Variants in MTMR7 observed in about 807,000 individuals in gnomAD.
MTMR7 encodes the protein myotubularin related protein 7.
MTMR7 carries 76 observed loss-of-function variants against 81.2 expected under a neutral mutation model. That is an observed-to-expected ratio of 0.94 (90% CI 0.78 to 1.13). The LOEUF is 1.13. Among genes scored for constraint, MTMR7 ranks in the 50% most tolerant of loss-of-function variants. The probability of loss-of-function intolerance (pLI) is 0.00; values close to 1 mark genes in which losing one functional copy is unlikely to be tolerated. For synonymous variants in MTMR7, 372 were observed against 289.8 expected, an observed-to-expected ratio of 1.28 and a Z score of -2.88; for missense variants, 1,044 against 820.0, an observed-to-expected ratio of 1.27 and a Z score of -3.34.
chr8:17,394,139 T>A (rs1585118901), intron 1 of MTMR7, among the ~76,000 whole-genome samples: 1 of 152,286 alleles, frequency 6.6e-6, no homozygotes, highest in East Asian at 1.9e-4. Context: ...ACTGTTAGCC[T>A]CTCAACAGAT....
chr8:17,389,297 C>T (rs1042668330), intron 1 of MTMR7, among the ~76,000 whole-genome samples: 3 of 152,174 alleles, frequency 2.0e-5, no homozygotes, highest in Non-Finnish European at 4.4e-5. Context: ...CTTTACTGTA[C>T]ACTCTAACCA....
At chr8:17,374,867 G>C (rs1820527740) in intron 1 of MTMR7, among the ~76,000 whole-genome samples, 1 of 151,796 alleles carries the variant, frequency 6.6e-6, no homozygotes, top group African/African-American at 2.4e-5. Context: ...CCAGCACTTT[G>C]ATCATGAGGT....
intron 11 of MTMR7, among the ~76,000 whole-genome samples, chr8:17,305,360 A>T (rs927983489): frequency 9.2e-5 from 14 of 152,320 alleles, no homozygotes; most frequent in African/African-American, 2.9e-4. Flanking sequence ...TACAGTTTTA[A>T]TCTGAATAAA....
intron 1 of MTMR7, among the ~76,000 whole-genome samples, chr8:17,401,335 G>A (rs918420185): frequency 3.9e-5 from 6 of 152,042 alleles, no homozygotes; most frequent in African/African-American, 1.4e-4. Flanking sequence ...GAAACATCTC[G>A]TGCAAAGGTG....
chr8:17,373,282 A>T lies in MTMR7; in HGVS notation c.25-42T>A, dbSNP rs747863568. ...GATGAAAAGAGTTACCGTAAAGCAGAAGAGCAATTCACGAAATAAATGATA... is the reference window on the plus strand; with the variant it reads ...GATGAAAAGAGTTACCGTAAAGCAGTAGAGCAATTCACGAAATAAATGATA... On this transcript the variant is annotated intron_variant, in intron 1 of 13. Transcript: ENST00000180173. The T allele has an allele frequency of 5.1e-6, 8 of 1,575,484 alleles. No homozygotes were observed. In the African/African-American group the frequency reaches 8.2e-5, roughly 16 times the overall value.
At position 17,366,885 on chromosome 8, in the gene MTMR7, CA is replaced by C. The variant is rs1277882494; in HGVS notation, c.310+4151del. Among the ~76,000 whole-genome samples the C allele has an allele frequency of 3.9e-4, 34 of 88,168 alleles. 1 individual carries two copies. The highest frequency in any genetic ancestry group is 5.1e-4 in the East Asian group (1 of 1,974). The allele number at this position is 88,168 out of a possible 152,430, so 57.8% of individuals were successfully genotyped here. ...TGGATGACAGAGCGAGACTCCATCT[CA>C]AAAAAAAAAAAACTGTAGCTGAAAA... On this transcript the variant is annotated intron_variant, in intron 3 of 13. Transcript: ENST00000180173.
chr8:17,315,833 G>T (rs1818037606), intron 7 of MTMR7, among the ~76,000 whole-genome samples: 1 of 152,090 alleles, frequency 6.6e-6, no homozygotes, highest in African/African-American at 2.4e-5. Context: ...ATAAAGTAGT[G>T]AGACTCAGGC....
intron 7 of MTMR7, among the ~76,000 whole-genome samples, chr8:17,323,893 A>G (rs915335274): frequency 1.3e-5 from 2 of 152,220 alleles, no homozygotes; most frequent in African/African-American, 2.4e-5. Context: ...AAAATCTGCC[A>G]TCTTGGTTAA....
At chr8:17,316,516 C>T (rs1386387378) in intron 7 of MTMR7, among the ~76,000 whole-genome samples, 1 of 150,844 alleles carries the variant, frequency 6.6e-6, no homozygotes, top group African/African-American at 2.4e-5. Context: ...TCTCCCTGTA[C>T]CTGGATTTCT....
chr8:17,354,765 A>G (rs1185173763), intron 4 of MTMR7, among the ~76,000 whole-genome samples: 6 of 152,204 alleles, frequency 3.9e-5, no homozygotes, highest in Admixed American at 2.6e-4. Context: ...AGCAAAAGGA[A>G]TGGATTTGGA....
intron 1 of MTMR7, among the ~76,000 whole-genome samples, chr8:17,381,211 A>G (rs1298144214): frequency 6.6e-6 from 1 of 151,782 alleles, no homozygotes; most frequent in Non-Finnish European, 1.5e-5. Flanking sequence ...GACTGAGGGG[A>G]AAAAAGGGTT....
chr8:17,346,884 TAAAAAAAAAAAAAAAA>T (rs55910829), intron 5 of MTMR7, among the ~76,000 whole-genome samples: 1 of 65,040 alleles, frequency 1.5e-5, no homozygotes, highest in Non-Finnish European at 2.9e-5. Flanking sequence ...CCTATCTTAA[TAAAAAAAAAAAAAAAA>T]AAAAAAAAAA....
intron 4 of MTMR7, among the ~76,000 whole-genome samples, chr8:17,354,626 G>A (rs754862326): frequency 3.3e-5 from 5 of 152,078 alleles, no homozygotes; most frequent in Admixed American, 1.3e-4. Flanking sequence ...TTCCACCATC[G>A]ACAATTGTTT....
At chr8:17,398,715 T>C (rs1203796090) in intron 1 of MTMR7, among the ~76,000 whole-genome samples, 3 of 152,112 alleles carry the variant, frequency 2.0e-5, no homozygotes, top group African/African-American at 7.2e-5. Context: ...AAAGATTAAA[T>C]AACCAATAAA....
chr8:17,369,747 G>A (rs544744774), intron 3 of MTMR7, among the ~76,000 whole-genome samples: 4 of 142,334 alleles, frequency 2.8e-5, no homozygotes, highest in African/African-American at 5.2e-5. Flanking sequence ...CCAGGTTCAC[G>A]CCATCCTCCT....
At chr8:17,333,883 G>C (rs1321270353) in intron 6 of MTMR7, among the ~76,000 whole-genome samples, 2 of 152,068 alleles carry the variant, frequency 1.3e-5, no homozygotes, top group African/African-American at 4.8e-5. Context: ...ACAAGGGACA[G>C]GAGGGTTATC....
chr8:17,303,635 G>C (rs1473067552), intron 12 of MTMR7, among the ~76,000 whole-genome samples: 2 of 145,638 alleles, frequency 1.4e-5, no homozygotes, highest in Non-Finnish European at 1.5e-5. Context: ...TTGAGATGGA[G>C]TTTTGCTCTT....
At chr8:17,318,610 A>G (rs547388922) in intron 7 of MTMR7, among the ~76,000 whole-genome samples, 5 of 152,254 alleles carry the variant, frequency 3.3e-5, no homozygotes, top group African/African-American at 1.2e-4. Context: ...GTCCTACCGC[A>G]TCATGTCAGC....
intron 11 of MTMR7, among the ~76,000 whole-genome samples, chr8:17,304,900 A>G (rs1337589618): frequency 6.6e-6 from 1 of 152,136 alleles, no homozygotes; most frequent in Non-Finnish European, 1.5e-5. Context: ...GCTCTGTCTA[A>G]TTTACAGATG....
Sources: gnomAD v4.1 joint callset for allele counts (sites outside exome capture counted in the v4.1 genomes callset) on GRCh38, gnomAD v4.1.1 for gene constraint, MANE v1.5 for transcripts, NCBI Gene and HGNC (gene_info 2026-07-23, HGNC 2026-07-21) for gene names.